Variants in TRIM37 observed in about 807,000 individuals in gnomAD.
TRIM37 encodes the protein tripartite motif containing 37.
Under a neutral mutation model 129.8 loss-of-function variants are expected in TRIM37, and 80 were observed. That is an observed-to-expected ratio of 0.62 (90% CI 0.51 to 0.74). The LOEUF is 0.74. TRIM37 is among the 30% of genes least tolerant of loss of function. The pLI, the probability that TRIM37 is intolerant of heterozygous loss-of-function variation, is 0.00. For synonymous variants in TRIM37, 389 were observed against 387.1 expected (o/e 1.00, Z -0.06); for missense variants, 1,054 against 1,176.5 (o/e 0.90, Z 1.52).
chr17:59,101,941 A>AAAAAAAT (rs889382124), intron 2 of TRIM37, among the ~76,000 whole-genome samples: 7 of 151,292 alleles, frequency 4.6e-5, no homozygotes, highest in African/African-American at 7.3e-5. Context: ...TCCATCTCAA[A>AAAAAAAT]AAAAAATAAA....
intron 17 of TRIM37, among the ~76,000 whole-genome samples, chr17:59,038,436 T>C (rs774379711): frequency 5.3e-5 from 8 of 152,164 alleles, no homozygotes; most frequent in Non-Finnish European, 1.2e-4. Flanking sequence ...AACTGGTTCA[T>C]TATTATGTCT....
At chr17:59,037,311 T>C (rs531455894) in intron 17 of TRIM37, among the ~76,000 whole-genome samples, 8 of 151,700 alleles carry the variant, frequency 5.3e-5, no homozygotes, top group South Asian at 2.1e-4. Context: ...GTAATCCCAG[T>C]ACTTTGGGAG....
At chr17:59,081,961 A>ATAATAATAATAAT (rs1248128507) in intron 5 of TRIM37, among the ~76,000 whole-genome samples, 53 of 110,374 alleles carry the variant, frequency 4.8e-4, no homozygotes, top group African/African-American at 1.8e-3. Context: ...AATAAAAAAA[A>ATAATAATAATAAT]AAAAATAATA....
intron 10 of TRIM37, among the ~76,000 whole-genome samples, chr17:59,063,093 G>C (rs544865251): frequency 6.6e-6 from 1 of 151,390 alleles, no homozygotes. Context: ...AAACCTCAAA[G>C]AGACTATGTT....
chr17:59,095,679 G>A (rs2044786084), intron 2 of TRIM37, among the ~76,000 whole-genome samples: 1 of 152,046 alleles, frequency 6.6e-6, no homozygotes, highest in Admixed American at 6.6e-5. Flanking sequence ...ACTGTTTGAG[G>A]CAAACTATAT....
chr17:59,070,157 C>T (rs781689050), intron 9 of TRIM37, among the ~76,000 whole-genome samples: 3 of 152,132 alleles, frequency 2.0e-5, no homozygotes, highest in Non-Finnish European at 4.4e-5. Context: ...CAGAAACCAC[C>T]AGTCTAACAC....
At chr17:59,041,774 A>G (rs752434429) in intron 17 of TRIM37, 39 bp downstream of exon 17, 1 of 1,478,060 alleles carries the variant, frequency 6.8e-7, no homozygotes, top group South Asian at 1.1e-5. Context: ...AGCAGAGAGA[A>G]AACAGAATGG....
chr17:59,066,178 T>C (rs548486480), intron 9 of TRIM37, among the ~76,000 whole-genome samples: 1 of 152,306 alleles, frequency 6.6e-6, no homozygotes, highest in African/African-American at 2.4e-5. Flanking sequence ...CCAATGCAAT[T>C]AGTGCCTAGG....
the TRIM37 span, among the ~76,000 whole-genome samples, chr17:58,976,985 T>C: frequency 1.3e-5 from 2 of 152,182 alleles, no homozygotes; most frequent in Non-Finnish European, 2.9e-5. Flanking sequence ...CATATTGGAT[T>C]TTATTTATTA....
At chr17:58,977,868 G>A (rs928173327), downstream of TRIM37, among the ~76,000 whole-genome samples, 8 of 152,246 alleles carry the variant, frequency 5.3e-5, no homozygotes, top group African/African-American at 1.9e-4. Context: ...TCAGCCTCTT[G>A]AGTAGCTGGG....
Position 58,986,941 on chromosome 17 carries a change from T to C in TRIM37, c.2892-4020A>G, listed in dbSNP as rs528335419. On this transcript the variant is annotated intron_variant, in intron 24 of 24. Transcript: ENST00000393066. ...TACATTTAAAACAAGTCACATTCTT[T>C]TCTGAGAGCCCCAACTGTTGAATAT... is the stretch of plus-strand genomic sequence containing the variant. 1.8e-4 allele frequency among the ~76,000 whole-genome samples: 27 copies of C among 152,312 alleles called. No individual in the cohort carries two copies. The South Asian group carries it at 5.6e-3, about 32-fold the overall frequency.
intron 19 of TRIM37, among the ~76,000 whole-genome samples, chr17:59,020,171 C>A (rs917211218): frequency 1.7e-5 from 2 of 119,592 alleles, no homozygotes; most frequent in African/African-American, 3.2e-5. Context: ...ACGGAGGTTG[C>A]AGTGAGCCAA....
chr17:59,028,993 G>T (rs912597511), intron 18 of TRIM37, among the ~76,000 whole-genome samples: 1 of 152,026 alleles, frequency 6.6e-6, no homozygotes, highest in Non-Finnish European at 1.5e-5. Flanking sequence ...CTACTGCCTT[G>T]TGCTTTCTTC....
chr17:58,978,692 C>T (rs568249970), downstream of TRIM37, among the ~76,000 whole-genome samples: 2 of 151,880 alleles, frequency 1.3e-5, no homozygotes, highest in South Asian at 4.2e-4. Context: ...GCCTGGGCGA[C>T]AAAAAATAAA....
At chr17:58,969,999 T>A in the TRIM37 span, among the ~76,000 whole-genome samples, 2 of 152,236 alleles carry the variant, frequency 1.3e-5, no homozygotes, top group Non-Finnish European at 2.9e-5. Context: ...GTGAGTTTCA[T>A]CTTTCTTTTA....
At chr17:58,985,826 T>G (rs952223811) in intron 24 of TRIM37, among the ~76,000 whole-genome samples, 3 of 152,152 alleles carry the variant, frequency 2.0e-5, no homozygotes, top group Admixed American at 2.0e-4. Flanking sequence ...CTAAATTCAT[T>G]CAGTCCTTGG....
chr17:59,012,352 C>A lies in TRIM37; in HGVS notation c.2671G>T (p.Gly891Ter). 6.2e-7 allele frequency: 1 copy of A among 1,612,924 alleles called. No homozygotes were observed. Among genetic ancestry groups the A allele is most frequent in the Non-Finnish European group, 8.5e-7 (1 of 1,179,504 alleles). ...TGELQPVLPE[G>*]ASAAPEEGMS... Reference sequence around the variant, plus strand: ...CCTTCTTCAGGGGCAGCTGAAGCTCCTTCAGGTAGTACAGGCTGTAACTCT... The same window carrying A: ...CCTTCTTCAGGGGCAGCTGAAGCTCATTCAGGTAGTACAGGCTGTAACTCT... The change falls in exon 22 of 24, where the codon GGA becomes TGA. Residue 891 changes from glycine (G) to a stop codon, truncating the protein, a stop_gained. Coordinates refer to ENST00000262294, the MANE Select transcript of TRIM37 (RefSeq NM_015294.6). LOFTEE classifies it high-confidence loss of function.
In TRIM37 at chr17:59,005,282, C is replaced by T. The variant is rs140640164; in HGVS notation, c.2696-3568G>A. On this transcript the variant is annotated intron_variant, in intron 22 of 23. Transcript: ENST00000262294. ...TACATTTTTCAAACTCTATTCATTA[C>T]ATGTGTATCTTTTTTTTTTGAGACG... Among the ~76,000 whole-genome samples, 784 of 152,124 alleles carry T rather than the reference C, an allele frequency of 5.2e-3. 11 individuals carry two copies. Among genetic ancestry groups the T allele is most frequent in the African/African-American group, 0.018 (731 of 41,536 alleles).
chr17:59,001,518 TAGC>T, intron 23 of TRIM37, 77 bp downstream of exon 23: 1 of 1,569,844 alleles, frequency 6.4e-7, no homozygotes, highest in Non-Finnish European at 8.7e-7. Context: ...AAAGTAGAAG[TAGC>T]AGCAGCAGAA....
Sources: gnomAD v4.1 joint callset for allele counts (sites outside exome capture counted in the v4.1 genomes callset) on GRCh38, gnomAD v4.1.1 for gene constraint, MANE v1.5 for transcripts, NCBI Gene and HGNC (gene_info 2026-07-23, HGNC 2026-07-21) for gene names.